The following SLC22A14 variants were observed in gnomAD, a reference collection of about 807,000 sequenced individuals.
SLC22A14 encodes organic cation transporter-like 4.
A neutral mutation model predicts 53.9 loss-of-function variants in SLC22A14; 50 were observed. The ratio of observed to expected loss-of-function variants is 0.93; its 90% CI spans 0.74 to 1.17. SLC22A14 has a LOEUF of 1.17. Among genes scored for constraint, SLC22A14 ranks in the 50% most tolerant of loss-of-function variants. The probability of loss-of-function intolerance (pLI) is 0.00; values close to 1 mark genes in which losing one functional copy is unlikely to be tolerated. For missense variants in SLC22A14, 671 were observed against 734.7 expected (o/e 0.91, Z 1.00); for synonymous variants, 312 against 303.0 (o/e 1.03, Z -0.31).
rs1704346275 is a variant in SLC22A14, at chr3:38,307,673, G to A, written c.728G>A (p.Gly243Asp). The A allele has an allele frequency of 6.2e-7, 1 of 1,614,188 alleles. No individual in the cohort carries two copies. The highest frequency in any genetic ancestry group is 8.5e-7 in the Non-Finnish European group (1 of 1,180,038). ...SFHLYLFFRF[G>D]ISQSVVGYAI... ...CACCTGTATTTGTTCTTTCGCTTTGGCATCTCGCAGTCAGTGGTGGGCTAC... is the reference window on the plus strand; with the variant it reads ...CACCTGTATTTGTTCTTTCGCTTTGACATCTCGCAGTCAGTGGTGGGCTAC... The change falls in exon 4 of 11, where the codon GGC becomes GAC. Residue 243 changes from glycine (G) to aspartate (D), a missense_variant. Gly to Asp is a moderately conservative substitution (Grantham distance 94, BLOSUM62 -1). Transcript: ENST00000448498. The surrounding 1 kb of genome is among the most constrained non-coding windows in gnomAD (Gnocchi z 4.4).
chr3:38,293,996 A>G (rs912607203), intron 1 of SLC22A14, among the ~76,000 whole-genome samples: 4 of 152,238 alleles, frequency 2.6e-5, no homozygotes, highest in Non-Finnish European at 5.9e-5. Flanking sequence ...CATCTGGGTT[A>G]TCTGAGAATT....
chr3:38,284,351 G>C (rs886662170), intron 1 of SLC22A14, among the ~76,000 whole-genome samples: 2 of 152,212 alleles, frequency 1.3e-5, no homozygotes, highest in African/African-American at 4.8e-5. Context: ...GGGGCTGGGG[G>C]CCAGGCTGGG....
chr3:38,299,361 G>C (rs1436150773), intron 1 of SLC22A14, among the ~76,000 whole-genome samples: 1 of 151,986 alleles, frequency 6.6e-6, no homozygotes, highest in African/African-American at 2.4e-5. Context: ...GAGATAATTA[G>C]TCTCATTAGT....
In SLC22A14 at chr3:38,311,782, T is replaced by C. The variant is rs1704474053; in HGVS notation, c.945-1217T>C. Among the ~76,000 whole-genome samples the C allele has an allele frequency of 2.0e-5, 3 of 152,248 alleles. No homozygotes were observed. The South Asian group carries it at 6.2e-4, about 31-fold the overall frequency. Reference sequence around the variant, plus strand: ...TTGCATCTGAGACCTCATCAGAATGTCTTTATTGTCCATATTTACGTCAAC... The same window carrying C: ...TTGCATCTGAGACCTCATCAGAATGCCTTTATTGTCCATATTTACGTCAAC... On this transcript the variant is annotated intron_variant, in intron 5 of 10. Transcript: ENST00000448498.
At chr3:38,290,263 G>A (rs548468543) in intron 1 of SLC22A14, among the ~76,000 whole-genome samples, 5 of 152,322 alleles carry the variant, frequency 3.3e-5, no homozygotes, top group African/African-American at 4.8e-5. Flanking sequence ...GAATTGGGGC[G>A]TAGTAGGGGT....
At chr3:38,295,363 C>T (rs1704006430) in intron 1 of SLC22A14, among the ~76,000 whole-genome samples, 1 of 152,240 alleles carries the variant, frequency 6.6e-6, no homozygotes, top group Non-Finnish European at 1.5e-5. Flanking sequence ...GGTGTGCTCA[C>T]AATGAGGTTT....
At position 38,309,063 on chromosome 3, in the gene SLC22A14, C is replaced by A; in HGVS notation, c.885C>A (p.His295Gln). 1 of 1,614,080 alleles carries A rather than the reference C, an allele frequency of 6.2e-7. No individual in the cohort carries two copies. The highest frequency in any genetic ancestry group is 8.5e-7 in the Non-Finnish European group (1 of 1,179,922). The change falls in exon 5 of 11, where the codon CAC (histidine) becomes CAA (glutamine). Residue 295 changes from histidine (H) to glutamine (Q), a missense_variant. By Grantham distance (24) the His-to-Gln change is conservative (BLOSUM62 0). Coordinates refer to ENST00000448498, the MANE Select transcript of SLC22A14 (RefSeq NM_001320033.2). Reference protein sequence around the residue: ...LLTGIAYSLPHWQLLFLVGGI... With the variant: ...LLTGIAYSLPQWQLLFLVGGI... ...CAGGGATCGCCTACAGTCTTCCCCA[C>A]TGGCAGCTGCTGTTTCTGGTGGGTG...
intron 1 of SLC22A14, among the ~76,000 whole-genome samples, chr3:38,285,362 C>T (rs534394250): frequency 6.6e-6 from 1 of 152,186 alleles, no homozygotes; most frequent in Non-Finnish European, 1.5e-5. Flanking sequence ...CCATCACCCA[C>T]CCAAAGCACC....
At chr3:38,316,620 C>T (rs980996378) in intron 10 of SLC22A14, 96 bp downstream of exon 10, 21 of 1,111,674 alleles carry the variant, frequency 1.9e-5, no homozygotes, top group Non-Finnish European at 2.6e-5. Flanking sequence ...CCCCGCCCCT[C>T]TGCCGGAGAG....
chr3:38,279,063 C>T (rs1159143148), upstream of SLC22A14, among the ~76,000 whole-genome samples: 1 of 152,178 alleles, frequency 6.6e-6, no homozygotes, highest in Non-Finnish European at 1.5e-5. Flanking sequence ...CTCACCTTCT[C>T]CTGCATGGCT....
chr3:38,307,293 GCA>G lies in SLC22A14; in HGVS notation c.559_560del (p.Gln187AspfsTer19). The stretch of plus-strand genomic sequence containing the variant: ...TGGCATGGAGACGAAGAAGGACACT[GCA>G]CAGATCATGTTCATGGCAGGGCTCC... ...VCGMETKKDTAQIMFMAGLPI... is the reference protein window; with the variant it reads ...VCGMETKKDTXQIMFMAGLPI... On this transcript the variant is annotated frameshift_variant, in exon 3 of 11. Transcript: ENST00000448498. LOFTEE classifies it high-confidence loss of function. This position sits in a 1 kb window ranked among gnomAD's most constrained non-coding sequence, Gnocchi z 4.4. The G allele has an allele frequency of 1.2e-6, 2 of 1,614,128 alleles. No individual in the cohort carries two copies. Among genetic ancestry groups the G allele is most frequent in the Non-Finnish European group, 1.7e-6 (2 of 1,179,970 alleles).
chr3:38,280,866 G>C (rs955523423), upstream of SLC22A14, among the ~76,000 whole-genome samples: 24 of 152,214 alleles, frequency 1.6e-4, no homozygotes, highest in Admixed American at 1.0e-3. Context: ...CTGACCTCAG[G>C]TGATCCGTCT....
At position 38,309,038 on chromosome 3, in the gene SLC22A14, C is replaced by T; in HGVS notation, c.860C>T (p.Thr287Ile). Residue 287 changes from threonine (T) to isoleucine (I), a missense_variant, in exon 5 of 11, where the codon ACA (threonine) becomes ATA (isoleucine). Transcript: ENST00000448498. ...TTCGCTGTTGGGGCCGTGTTGCTGA[C>T]AGGGATCGCCTACAGTCTTCCCCAC... is the stretch of plus-strand genomic sequence containing the variant. ...CFFAVGAVLL[T>I]GIAYSLPHWQ... The T allele has an allele frequency of 6.2e-7, 1 of 1,614,002 alleles. No individual in the cohort carries two copies. The highest frequency in any genetic ancestry group is 8.5e-7 in the Non-Finnish European group (1 of 1,179,828).
chr3:38,307,882 G>A lies in SLC22A14; in HGVS notation c.775+162G>A, dbSNP rs1300283108. 5 of 718,734 alleles carry A rather than the reference G, an allele frequency of 7.0e-6. No individual in the cohort carries two copies. The Admixed American group carries it at 1.3e-4, about 19-fold the overall frequency. 44.5% of individuals were successfully genotyped at this position (718,734 alleles called of 1,614,324 possible). A position where few individuals can be genotyped will look rare whatever the true frequency, so the allele number is the denominator to read the frequency against. On this transcript the variant is annotated intron_variant, in intron 4 of 10. Coordinates refer to ENST00000448498, the MANE Select transcript of SLC22A14 (RefSeq NM_001320033.2). The surrounding 1 kb of genome is among the most constrained non-coding windows in gnomAD (Gnocchi z 4.4). ...GCATGGCGGGGGTGTGGCAGCGTGGGCATCTGCTGGGATCCCACAGGACAC... is the reference window on the plus strand; with the variant it reads ...GCATGGCGGGGGTGTGGCAGCGTGGACATCTGCTGGGATCCCACAGGACAC...
chr3:38,299,019 G>A (rs1333315060), intron 1 of SLC22A14, among the ~76,000 whole-genome samples: 1 of 152,208 alleles, frequency 6.6e-6, no homozygotes, highest in Non-Finnish European at 1.5e-5. Context: ...CTTGTGTACA[G>A]TTCTTTTCAT....
intron 1 of SLC22A14, among the ~76,000 whole-genome samples, chr3:38,291,738 T>C (rs141376249): frequency 0.065 from 9,837 of 152,260 alleles, 376 homozygotes; most frequent in East Asian, 0.16. Flanking sequence ...CGTTGGCAAG[T>C]TTAACACTGG....
intron 1 of SLC22A14, among the ~76,000 whole-genome samples, chr3:38,304,545 G>A (rs532150770): frequency 8.5e-4 from 129 of 152,104 alleles, no homozygotes; most frequent in Non-Finnish European, 1.3e-3. Context: ...ATGCCACCAA[G>A]CCTGGCTAAA....
Position 38,312,997 on chromosome 3 carries a change from A to G in SLC22A14, c.945-2A>G. Reference sequence around the variant, plus strand: ...GAGATAAGAGAGGGGCTGGCCACGCAGGATTCTCCCGGAGTCCCCGCGGTG... The same window carrying G: ...GAGATAAGAGAGGGGCTGGCCACGCGGGATTCTCCCGGAGTCCCCGCGGTG... On this transcript the variant is annotated splice_acceptor_variant, in intron 5 of 10. Transcript: ENST00000448498. LOFTEE classifies it high-confidence loss of function. The G allele has an allele frequency of 6.3e-7, 1 of 1,577,988 alleles. No homozygotes were observed. The highest frequency in any genetic ancestry group is 8.6e-7 in the Non-Finnish European group (1 of 1,162,292).
At chr3:38,279,056 A>T (rs965350418), upstream of SLC22A14, among the ~76,000 whole-genome samples, 1 of 152,070 alleles carries the variant, frequency 6.6e-6, no homozygotes, top group Non-Finnish European at 1.5e-5. Context: ...CAGCTTGCTC[A>T]CCTTCTCCTG....
Sources: gnomAD v4.1 joint callset for allele counts (sites outside exome capture counted in the v4.1 genomes callset) on GRCh38, gnomAD v4.1.1 for gene constraint, Gnocchi (gnomAD v3.1) non-coding constraint, MANE v1.5 for transcripts, NCBI Gene and HGNC (gene_info 2026-07-23, HGNC 2026-07-21) for gene names.